The following DTNA variants were observed in gnomAD, a reference collection of about 807,000 sequenced individuals.
DTNA encodes dystrophin-related protein 3.
Under a neutral mutation model 100.7 loss-of-function variants are expected in DTNA, and 43 were observed. The ratio of observed to expected loss-of-function variants is 0.43; its 90% CI spans 0.33 to 0.55. The LOEUF is 0.55. Among genes scored for constraint, DTNA ranks in the 20% least tolerant of loss-of-function variants. The pLI is 0.04. For synonymous variants in DTNA, 349 were observed against 347.9 expected (o/e 1.00, Z -0.04); for missense variants, 798 against 953.9 (o/e 0.84, Z 2.15).
intron 3 of DTNA, among the ~76,000 whole-genome samples, chr18:34,789,934 G>A (rs1050813456): frequency 4.6e-5 from 7 of 152,066 alleles, no homozygotes; most frequent in South Asian, 2.1e-4. Flanking sequence ...GTAATCATCC[G>A]AAAGTAGATG....
chr18:34,568,641 T>G (rs1428310519), intron 1 of DTNA, among the ~76,000 whole-genome samples: 1 of 152,076 alleles, frequency 6.6e-6, no homozygotes, highest in Non-Finnish European at 1.5e-5. Context: ...TTAATTTTTT[T>G]GAGGCAGAGT....
intron 1 of DTNA, among the ~76,000 whole-genome samples, chr18:34,577,604 G>C (rs8085275): frequency 2.0e-5 from 3 of 152,104 alleles, no homozygotes; most frequent in African/African-American, 7.2e-5. Context: ...CTTCCCTGGT[G>C]AGTCCCCAAA....
chr18:34,816,001 A>G lies in DTNA; in HGVS notation c.696A>G (p.Ala232=). 3.1e-6 allele frequency: 5 copies of G among 1,613,684 alleles called. No homozygotes were observed. Among genetic ancestry groups the G allele is most frequent in the Non-Finnish European group, 4.2e-6 (5 of 1,179,628 alleles). Residue 232 remains alanine, a synonymous_variant, in exon 7 of 23, where the codon GCA becomes GCG. Coordinates refer to ENST00000444659, the MANE Select transcript of DTNA (RefSeq NM_001386795.1). ...GGTTGCCTCTTCTGCATCGACTAGC[A>G]AATGTGGAAAATGGTGAGTAGTTAC... ...LVWLPLLHRL[A]NVENVFHPVE...
rs1020776990 is a variant in DTNA, at chr18:34,794,129, T to G, written c.241T>G (p.Leu81Val). 1.2e-6 allele frequency: 2 copies of G among 1,614,062 alleles called. No individual in the cohort carries two copies. The highest frequency in any genetic ancestry group is 1.7e-6 in the Non-Finnish European group (2 of 1,180,016). The part of the protein sequence containing the change: ...DPNTELNVSR[L>V]EAVLSTIFYQ... Reference sequence around the variant, plus strand: ...AAACACTGAACTCAACGTGTCCCGCTTAGAGGCTGTGCTCTCCACTATTTT... The same window carrying G: ...AAACACTGAACTCAACGTGTCCCGCGTAGAGGCTGTGCTCTCCACTATTTT... The change falls in exon 4 of 23, where the codon TTA (leucine) becomes GTA (valine). Residue 81 changes from leucine (L) to valine (V), a missense_variant. Leu to Val is a conservative substitution (Grantham distance 32, BLOSUM62 1). Around this residue, in one of 6 missense-constraint regions of DTNA, gnomAD observed 197 missense variants for 215.4 expected, o/e 0.91. Coordinates refer to ENST00000444659, the MANE Select transcript of DTNA (RefSeq NM_001386795.1).
chr18:34,565,306 T>C (rs913910216), intron 1 of DTNA, among the ~76,000 whole-genome samples: 3 of 152,096 alleles, frequency 2.0e-5, no homozygotes, highest in Non-Finnish European at 4.4e-5. Context: ...AAATTCAGAG[T>C]CTTGCTTTCA....
At chr18:34,714,746 A>T (rs1392916191) in intron 1 of DTNA, among the ~76,000 whole-genome samples, 1 of 152,138 alleles carries the variant, frequency 6.6e-6, no homozygotes, top group Non-Finnish European at 1.5e-5. Flanking sequence ...TGCTATAAAG[A>T]CACATGCACA....
rs938249826 is a variant in DTNA, at chr18:34,635,383, C to T, written c.-1-120593C>T. ...TTCATTTCCTTTGAATAAATACCCA[C>T]TAGTGGGATTGCTGGATCATATGGC... On this transcript the variant is annotated intron_variant, in intron 1 of 19. Transcript: ENST00000283365. Among the ~76,000 whole-genome samples the T allele has an allele frequency of 2.6e-5, 4 of 152,276 alleles. No individual in the cohort carries two copies. In the East Asian group the frequency reaches 7.7e-4, roughly 29 times the overall value.
Position 34,879,609 on chromosome 18 carries a change from G to A in DTNA, c.2052G>A (p.Glu684=), listed in dbSNP as rs2096852605. 2.5e-6 allele frequency: 4 copies of A among 1,614,042 alleles called. No homozygotes were observed. Among genetic ancestry groups the A allele is most frequent in the Non-Finnish European group, 1.7e-6 (2 of 1,179,998 alleles). The part of the protein sequence containing the change: ...VDSEFARTQF[E]DLVPSPTSEK... ...CTGAATTTGCACGGACTCAGTTTGA[G>A]GATCTTGTTCCCTCACCAACCTCTG... Residue 684 remains glutamate, a synonymous_variant, in exon 20 of 23, where the codon GAG becomes GAA. Transcript: ENST00000444659.
intron 1 of DTNA, among the ~76,000 whole-genome samples, chr18:34,745,768 T>G (rs963009389): frequency 1.3e-5 from 2 of 152,202 alleles, no homozygotes; most frequent in African/African-American, 4.8e-5. Flanking sequence ...TAAAACTACC[T>G]TTGATTCTCA....
chr18:34,676,655 C>T (rs1343880823), intron 1 of DTNA, among the ~76,000 whole-genome samples: 2 of 151,960 alleles, frequency 1.3e-5, no homozygotes, highest in African/African-American at 4.8e-5. Flanking sequence ...GGCAACATAG[C>T]AAAATCTCAT....
intron 17 of DTNA, chr18:34,868,890 A>T (rs1161803263): frequency 1.7e-6 from 1 of 597,310 alleles, no homozygotes; most frequent in Non-Finnish European, 2.1e-6. Flanking sequence ...ACACTCATAA[A>T]ACGTTTAATA....
At position 34,858,313 on chromosome 18, in the gene DTNA, C is replaced by T. The variant is rs764410940; in HGVS notation, c.1561C>T (p.Arg521Trp). ...AATCTTACAGGAGATCCAGAGACTT[C>T]GGCTAGAGCATGAACAAGCTTCTCA... ...REILQEIQRL[R>W]LEHEQASQPT... Residue 521 changes from arginine to tryptophan, a missense_variant, in exon 16 of 23, where the codon CGG becomes TGG. Physicochemically the swap from Arg to Trp is moderately radical, Grantham distance 101. Around this residue, in one of 6 missense-constraint regions of DTNA, gnomAD observed 159 missense variants for 201.2 expected, o/e 0.79. Coordinates refer to ENST00000444659, the MANE Select transcript of DTNA (RefSeq NM_001386795.1). 39 of 1,614,160 alleles carry T rather than the reference C, an allele frequency of 2.4e-5. No homozygotes were observed. Among genetic ancestry groups the T allele is most frequent in the Non-Finnish European group, 3.1e-5 (36 of 1,180,024 alleles).
chr18:34,790,931 C>T (rs2094711948), intron 3 of DTNA, among the ~76,000 whole-genome samples: 1 of 152,002 alleles, frequency 6.6e-6, no homozygotes. Flanking sequence ...TGATAGAACC[C>T]AGAAAGTAAA....
intron 1 of DTNA, among the ~76,000 whole-genome samples, chr18:34,532,414 T>C (rs1223948367): frequency 1.3e-5 from 2 of 152,066 alleles, no homozygotes; most frequent in Non-Finnish European, 2.9e-5. Context: ...GATTATAGAG[T>C]GTGGAAAACT....
At chr18:34,592,476 A>G (rs1169015321) in intron 1 of DTNA, among the ~76,000 whole-genome samples, 1 of 148,272 alleles carries the variant, frequency 6.7e-6, no homozygotes, top group African/African-American at 2.5e-5. Context: ...TAACACACAC[A>G]CACACACACA....
chr18:34,581,918 G>A (rs1014956608), intron 1 of DTNA, among the ~76,000 whole-genome samples: 7 of 151,980 alleles, frequency 4.6e-5, no homozygotes, highest in Non-Finnish European at 8.8e-5. Context: ...CACCATGCCC[G>A]GCCCTGCCCC....
chr18:34,883,561 C>T (rs973117466), intron 21 of DTNA, among the ~76,000 whole-genome samples: 6 of 152,056 alleles, frequency 3.9e-5, no homozygotes, highest in Non-Finnish European at 5.9e-5. Context: ...CCTCCCACCC[C>T]GGCCTCCCAA....
chr18:34,668,494 T>C (rs1037237268), intron 1 of DTNA, among the ~76,000 whole-genome samples: 1 of 152,166 alleles, frequency 6.6e-6, no homozygotes, highest in African/African-American at 2.4e-5. Flanking sequence ...CTCTTGTTTC[T>C]CTAGTTCTTT....
intron 1 of DTNA, among the ~76,000 whole-genome samples, chr18:34,695,117 C>A (rs1179941095): frequency 6.6e-6 from 1 of 152,168 alleles, no homozygotes; most frequent in African/African-American, 2.4e-5. Flanking sequence ...CCATTCTCTC[C>A]TGGATTCTCC....
Sources: allele counts gnomAD v4.1 joint callset (sites outside exome capture counted in the v4.1 genomes callset), GRCh38; gene constraint gnomAD v4.1.1; regional missense constraint gnomAD v4.1.1; transcripts MANE v1.5; gene names NCBI Gene and HGNC (gene_info 2026-07-23, HGNC 2026-07-21).